The following FRMPD4 variants were observed in gnomAD, a reference collection of about 807,000 sequenced individuals.
The protein encoded by FRMPD4 is FERM and PDZ domain containing 4, also known as FERM and PDZ domain-containing protein 4.
In FRMPD4, 22 loss-of-function variants were observed where a neutral mutation model predicts 94.1. That is an observed-to-expected ratio of 0.23 (90% confidence interval 0.17 to 0.33). FRMPD4 has a LOEUF of 0.33. Among genes scored for constraint, FRMPD4 ranks in the 10% least tolerant of loss-of-function variants. FRMPD4 has a pLI of 1.00. For missense variants in FRMPD4, 1,111 were observed against 1,339.9 expected, an observed-to-expected ratio of 0.83 and a Z score of 2.67; for synonymous variants, 631 against 548.6, an observed-to-expected ratio of 1.15 and a Z score of -2.10.
intron 1 of FRMPD4, among the ~76,000 whole-genome samples, chrX:12,196,925 T>C (rs777028897): frequency 3.6e-5 from 4 of 110,576 alleles, no homozygotes; most frequent in African/African-American, 1.3e-4. Flanking sequence ...TAATTATGAA[T>C]GTTAGGAGCC....
At chrX:12,263,152 A>G (rs183088798) in intron 1 of FRMPD4, among the ~76,000 whole-genome samples, 8 of 112,006 alleles carry the variant, frequency 7.1e-5, no homozygotes, top group South Asian at 3.8e-4. Flanking sequence ...AAGGATGTCA[A>G]TGAAGGTACT....
chrX:12,544,689 C>T (rs2058455753), intron 2 of FRMPD4, among the ~76,000 whole-genome samples: 1 of 111,271 alleles, frequency 9.0e-6, no homozygotes, highest in South Asian at 3.8e-4. Flanking sequence ...TTTGCCTTCT[C>T]AGTATCCTGC....
At chrX:12,407,779 G>A (rs1036146457) in intron 1 of FRMPD4, among the ~76,000 whole-genome samples, 2 of 111,673 alleles carry the variant, frequency 1.8e-5, no homozygotes, top group African/African-American at 6.5e-5. Context: ...ATATGTACAT[G>A]AGTGAGTGTG....
chrX:12,272,702 A>G (rs142739416), intron 1 of FRMPD4, among the ~76,000 whole-genome samples: 4,157 of 111,868 alleles, frequency 0.037, 211 homozygotes, highest in African/African-American at 0.13. Flanking sequence ...AAATAAGTCA[A>G]GGTGGAAAAT....
At chrX:12,538,281 G>T (rs888866817) in intron 2 of FRMPD4, among the ~76,000 whole-genome samples, 8 of 111,562 alleles carry the variant, frequency 7.2e-5, no homozygotes, top group Non-Finnish European at 1.1e-4. Flanking sequence ...GGCTGGGGGA[G>T]GGGCGCCCGC....
intron 2 of FRMPD4, among the ~76,000 whole-genome samples, chrX:12,500,791 C>G (rs2057911446): frequency 8.9e-6 from 1 of 111,784 alleles, no homozygotes; most frequent in African/African-American, 3.2e-5. Context: ...GCTAGGAAGA[C>G]AGTATTTTTT....
At chrX:12,377,853 C>T (rs1047386522) in intron 1 of FRMPD4, among the ~76,000 whole-genome samples, 22 of 112,316 alleles carry the variant, frequency 2.0e-4, no homozygotes, top group African/African-American at 6.8e-4. Flanking sequence ...GCATTCTCCT[C>T]GTGTTTCACA....
In FRMPD4 at chrX:12,720,709, G is replaced by C; in HGVS notation, c.4140G>C (p.Val1380=). ...SQANQAYGEA[V]SWRPPDLRGG... Reference sequence around the variant, plus strand: ...CAAATCAGGCATACGGAGAGGCTGTGAGCTGGCGGCCACCGGATCTGAGAG... The same window carrying C: ...CAAATCAGGCATACGGAGAGGCTGTCAGCTGGCGGCCACCGGATCTGAGAG... The change falls in exon 17 of 17, where the codon GTG becomes GTC. Residue 1380 remains valine (V), a synonymous_variant. Coordinates refer to ENST00000675598, the MANE Select transcript of FRMPD4 (RefSeq NM_001368397.1). 2 of 1,070,962 alleles carry C rather than the reference G, an allele frequency of 1.9e-6. No homozygotes were observed. Among genetic ancestry groups the C allele is most frequent in the Non-Finnish European group, 2.4e-6 (2 of 830,155 alleles). The allele number at this position is 1,070,962 out of a possible 1,213,427, so 88.3% of individuals were successfully genotyped here. A position where few individuals can be genotyped will look rare whatever the true frequency, so the allele number is the denominator to read the frequency against.
chrX:12,017,272 G>C (rs1297932613), intron 3 of FRMPD4, among the ~76,000 whole-genome samples: 1 of 111,951 alleles, frequency 8.9e-6, no homozygotes, highest in Admixed American at 9.5e-5. Context: ...GAAGAGGATG[G>C]GACTGTTCAG....
intron 1 of FRMPD4, among the ~76,000 whole-genome samples, chrX:11,861,493 T>G (rs1336070199): frequency 1.8e-5 from 2 of 111,906 alleles, no homozygotes; most frequent in South Asian, 3.7e-4. Context: ...TAGCTTAACT[T>G]TTACTCCTGG....
Position 11,921,150 on chromosome X carries a change from C to G in FRMPD4, c.95+43132C>G, listed in dbSNP as rs557307171. 8.9e-5 allele frequency among the ~76,000 whole-genome samples: 10 copies of G among 112,311 alleles called. No individual in the cohort carries two copies. The South Asian group carries it at 3.3e-3, about 38-fold the overall frequency. ...TATTAGTCAACTTGGGCTGTCGTAA[C>G]AAAGTACCACAGACTGCATGGCTTA... On this transcript the variant is annotated intron_variant, in intron 3 of 18. Coordinates refer to the FRMPD4 transcript ENST00000640291.
At chrX:11,948,621 G>A (rs1249245655) in intron 3 of FRMPD4, among the ~76,000 whole-genome samples, 2 of 111,128 alleles carry the variant, frequency 1.8e-5, no homozygotes, top group Admixed American at 9.6e-5. Context: ...GGAAGGGGAA[G>A]GGCCTGACCT....
At chrX:12,570,295 A>ATTTATTTTATTTTAT (rs140468530) in intron 2 of FRMPD4, among the ~76,000 whole-genome samples, 18 of 102,309 alleles carry the variant, frequency 1.8e-4, no homozygotes, top group African/African-American at 6.6e-4. Flanking sequence ...CTTTACATAT[A>ATTTATTTTATTTTAT]TTTATTTTAT....
intron 3 of FRMPD4, among the ~76,000 whole-genome samples, chrX:11,903,954 AT>A (rs1301180320): frequency 1.1e-4 from 12 of 109,739 alleles, no homozygotes; most frequent in Non-Finnish European, 2.1e-4. Flanking sequence ...TAATTTTTTA[AT>A]TTTTTTTGTA....
rs1335462494 is a variant in FRMPD4 at position 12,718,294 on chromosome X, T to C, written c.3468T>C (p.Cys1156=). 1 of 1,209,608 alleles carries C rather than the reference T, an allele frequency of 8.3e-7. No individual in the cohort carries two copies. Among genetic ancestry groups the C allele is most frequent in the African/African-American group, 1.7e-5 (1 of 57,231 alleles). ...QGDRFLTDVT[C]ASSAKDLDNP... ...ACCGCTTCTTAACTGACGTGACCTGTGCATCTTCAGCCAAAGACTTAGATA... is the reference window on the plus strand; with the variant it reads ...ACCGCTTCTTAACTGACGTGACCTGCGCATCTTCAGCCAAAGACTTAGATA... The change falls in exon 16 of 17, where the codon TGT becomes TGC. Residue 1156 remains cysteine, a synonymous_variant. Coordinates refer to ENST00000675598, the MANE Select transcript of FRMPD4 (RefSeq NM_001368397.1).
chrX:12,367,380 C>A lies in FRMPD4; in HGVS notation c.42-131300C>A, dbSNP rs376703053. On this transcript the variant is annotated intron_variant, in intron 1 of 16. Coordinates refer to ENST00000675598, the MANE Select transcript of FRMPD4 (RefSeq NM_001368397.1). ...CATTGCCTACCCCAGGGGCACCCTT[C>A]ACATTTCATGCTAATGAAGGTTGAC... Among the ~76,000 whole-genome samples, 6 of 112,502 alleles carry A rather than the reference C, an allele frequency of 5.3e-5. No individual in the cohort carries two copies. The East Asian group carries it at 1.4e-3, about 26-fold the overall frequency.
chrX:11,998,829 G>C (rs987620833), intron 3 of FRMPD4, among the ~76,000 whole-genome samples: 5 of 111,826 alleles, frequency 4.5e-5, no homozygotes, highest in African/African-American at 1.6e-4. Context: ...TGAAAACTTT[G>C]AATGTTTCTT....
intron 4 of FRMPD4, among the ~76,000 whole-genome samples, chrX:12,620,654 T>C (rs187411183): frequency 2.7e-5 from 3 of 112,187 alleles, no homozygotes; most frequent in African/African-American, 9.7e-5. Flanking sequence ...CTACCCCCCA[T>C]TGCAAGACCC....
intron 3 of FRMPD4, among the ~76,000 whole-genome samples, chrX:11,996,913 C>T (rs1000899203): frequency 5.4e-5 from 6 of 111,274 alleles, no homozygotes; most frequent in Non-Finnish European, 9.4e-5. Context: ...TTGAAAATGC[C>T]GTAGGAATGT....
Sources: gnomAD v4.1 joint callset for allele counts (sites outside exome capture counted in the v4.1 genomes callset) on GRCh38, gnomAD v4.1.1 for gene constraint, MANE v1.5 for transcripts, NCBI Gene and HGNC (gene_info 2026-07-23, HGNC 2026-07-21) for gene names.